Variants in MBOAT1 observed in about 807,000 individuals in gnomAD.
MBOAT1 encodes membrane-bound glycerophospholipid O-acyltransferase 1.
In MBOAT1, 67 loss-of-function variants were observed where a neutral mutation model predicts 64.4. The observed-to-expected ratio is 1.04, with a 90% confidence interval of 0.85 to 1.27. MBOAT1 has a LOEUF of 1.27. Among genes scored for constraint, MBOAT1 ranks in the 50% most tolerant of loss-of-function variants. The probability of loss-of-function intolerance (pLI) is 0.00; values close to 1 mark genes in which losing one functional copy is unlikely to be tolerated. For synonymous variants in MBOAT1, 229 were observed against 218.9 expected (o/e 1.05, Z -0.41); for missense variants, 563 against 604.6 (o/e 0.93, Z 0.72).
intron 3 of MBOAT1, among the ~76,000 whole-genome samples, chr6:20,150,583 A>G (rs1283014456): frequency 7.3e-6 from 1 of 137,612 alleles, no homozygotes; most frequent in Non-Finnish European, 1.5e-5. Context: ...TTTTTTTGAC[A>G]GAGGAGTTTC....
At chr6:20,179,983 C>T (rs114225536) in intron 1 of MBOAT1, among the ~76,000 whole-genome samples, 4,718 of 152,172 alleles carry the variant, frequency 0.031, 81 homozygotes, top group Middle Eastern at 0.085. Flanking sequence ...ACCAAACATC[C>T]ACTCCTCCTC....
intron 1 of MBOAT1, among the ~76,000 whole-genome samples, chr6:20,202,367 T>C (rs1159832519): frequency 1.2e-5 from 1 of 83,870 alleles, no homozygotes; most frequent in African/African-American, 3.1e-5. Flanking sequence ...GTTTTGTAAA[T>C]AAACCTGAGA....
chr6:20,212,378 A>T lies in MBOAT1; in HGVS notation c.-144T>A. The T allele has an allele frequency of 1.4e-6, 1 of 701,412 alleles. No individual in the cohort carries two copies. Among genetic ancestry groups the T allele is most frequent in the South Asian group, 1.8e-5 (1 of 54,350 alleles). 43.4% of individuals were successfully genotyped at this position (701,412 alleles called of 1,614,324 possible). A position where few individuals can be genotyped will look rare whatever the true frequency, so the allele number is the denominator to read the frequency against. On this transcript the variant is annotated 5_prime_UTR_variant, in exon 1 of 13. Transcript: ENST00000324607. ...GGGGGAGCGAACGGGAGGCCGGGGAATGCGAACCGGCGCAAACTCTCGAGG... is the reference window on the plus strand; with the variant it reads ...GGGGGAGCGAACGGGAGGCCGGGGATTGCGAACCGGCGCAAACTCTCGAGG...
At chr6:20,115,507 C>T (rs1240537121) in intron 9 of MBOAT1, among the ~76,000 whole-genome samples, 155 bp from the exon 10 acceptor site, 1 of 152,176 alleles carries the variant, frequency 6.6e-6, no homozygotes, top group Non-Finnish European at 1.5e-5. Context: ...CTACACAGGA[C>T]AATTTTCTGC....
intron 1 of MBOAT1, among the ~76,000 whole-genome samples, chr6:20,159,627 G>A (rs1761790678): frequency 6.6e-6 from 1 of 152,102 alleles, no homozygotes; most frequent in Non-Finnish European, 1.5e-5. Context: ...GGGGGTGGAA[G>A]GAAGTAGAGG....
chr6:20,175,527 A>T (rs561546829), intron 1 of MBOAT1, among the ~76,000 whole-genome samples: 1 of 152,014 alleles, frequency 6.6e-6, no homozygotes, highest in South Asian at 2.1e-4. Context: ...GCTCACTGCA[A>T]CCTCTGCCTC....
Position 20,202,337 on chromosome 6 carries a change from A to G in MBOAT1, c.99+9799T>C, listed in dbSNP as rs557214331. ...CTTCTCCAAATTACATTAGAACCTG[A>G]GTTCCCTGGTTTTCGTTTTGTTTTG... is the stretch of plus-strand genomic sequence containing the variant. On this transcript the variant is annotated intron_variant, in intron 1 of 12. Coordinates refer to ENST00000324607, the MANE Select transcript of MBOAT1 (RefSeq NM_001080480.3). Among the ~76,000 whole-genome samples, 556 of 129,440 alleles carry G rather than the reference A, an allele frequency of 4.3e-3. 3 individuals are homozygous for G. Among genetic ancestry groups the G allele is most frequent in the Middle Eastern group, 7.6e-3 (2 of 262 alleles). The allele number at this position is 129,440 out of a possible 152,430, so 84.9% of individuals were successfully genotyped here. A position where few individuals can be genotyped will look rare whatever the true frequency, so the allele number is the denominator to read the frequency against.
At chr6:20,209,448 T>C (rs959401437) in intron 1 of MBOAT1, among the ~76,000 whole-genome samples, 1 of 152,130 alleles carries the variant, frequency 6.6e-6, no homozygotes, top group Non-Finnish European at 1.5e-5. Flanking sequence ...AAGAATCAGA[T>C]GAAAAAGAAT....
At chr6:20,181,544 G>T (rs1198159175) in intron 1 of MBOAT1, among the ~76,000 whole-genome samples, 1 of 152,184 alleles carries the variant, frequency 6.6e-6, no homozygotes, top group Non-Finnish European at 1.5e-5. Context: ...AATTCCCAGA[G>T]AGCCTCTCTC....
At chr6:20,161,948 T>A (rs897256402) in intron 1 of MBOAT1, among the ~76,000 whole-genome samples, 2 of 152,106 alleles carry the variant, frequency 1.3e-5, no homozygotes, top group Non-Finnish European at 2.9e-5. Flanking sequence ...TATCTGAGAT[T>A]GAGGGTGTCG....
At chr6:20,180,663 T>C (rs1762482183) in intron 1 of MBOAT1, among the ~76,000 whole-genome samples, 1 of 152,242 alleles carries the variant, frequency 6.6e-6, no homozygotes, top group Non-Finnish European at 1.5e-5. Flanking sequence ...TGAGCTGCCC[T>C]TAACCTCATG....
At position 20,131,131 on chromosome 6, in the gene MBOAT1, C is replaced by G; in HGVS notation, c.475+13G>C. 1 of 1,612,118 alleles carries G rather than the reference C, an allele frequency of 6.2e-7. No individual in the cohort carries two copies. Among genetic ancestry groups the G allele is most frequent in the Non-Finnish European group, 8.5e-7 (1 of 1,178,248 alleles). On this transcript the variant is annotated intron_variant, in intron 5 of 12. Transcript: ENST00000324607. ...CTCACTCTGAGAACCAAAAGGAGGGCTGCTGTTCTTACCATCATGAACCTG... is the reference window on the plus strand; with the variant it reads ...CTCACTCTGAGAACCAAAAGGAGGGGTGCTGTTCTTACCATCATGAACCTG...
chr6:20,131,008 G>T, intron 5 of MBOAT1, 136 bp downstream of exon 5: 1 of 705,300 alleles, frequency 1.4e-6, no homozygotes. Context: ...GATTGCCGAG[G>T]CCTGGAAATT....
At chr6:20,123,387 G>T (rs1426513468) in intron 8 of MBOAT1, among the ~76,000 whole-genome samples, 1 of 152,104 alleles carries the variant, frequency 6.6e-6, no homozygotes, top group Admixed American at 6.6e-5. Context: ...TCCCTGAAAG[G>T]GTTCCAGTGT....
At chr6:20,128,185 C>T (rs1335196641) in intron 6 of MBOAT1, among the ~76,000 whole-genome samples, 2 of 152,092 alleles carry the variant, frequency 1.3e-5, no homozygotes, top group Non-Finnish European at 2.9e-5. Flanking sequence ...CCAACACTCC[C>T]CCTTCCTACT....
intron 8 of MBOAT1, among the ~76,000 whole-genome samples, chr6:20,120,000 T>TGTGC (rs1465118453): frequency 4.3e-5 from 3 of 70,422 alleles, no homozygotes; most frequent in Non-Finnish European, 5.7e-5. Flanking sequence ...TGTGTGTGTG[T>TGTGC]GTGTGCGTGT....
chr6:20,177,447 G>A (rs1195800803), intron 1 of MBOAT1, among the ~76,000 whole-genome samples: 1 of 152,150 alleles, frequency 6.6e-6, no homozygotes, highest in East Asian at 1.9e-4. Flanking sequence ...TCCTGCCTCA[G>A]TCTCCCAAAA....
At chr6:20,144,622 G>C (rs893551601) in intron 3 of MBOAT1, among the ~76,000 whole-genome samples, 3 of 152,222 alleles carry the variant, frequency 2.0e-5, no homozygotes, top group Non-Finnish European at 4.4e-5. Context: ...TAGGTGTAAT[G>C]GCAGTGCGCA....
At chr6:20,144,337 A>G (rs765402767) in intron 3 of MBOAT1, 22 bp from the exon 4 acceptor site, 12 of 1,459,138 alleles carry the variant, frequency 8.2e-6, no homozygotes, top group Non-Finnish European at 1.2e-5. Flanking sequence ...AACATAGATG[A>G]TCAGATTATT....
Sources: allele counts gnomAD v4.1 joint callset (sites outside exome capture counted in the v4.1 genomes callset), GRCh38; gene constraint gnomAD v4.1.1; transcripts MANE v1.5; gene names NCBI Gene and HGNC (gene_info 2026-07-23, HGNC 2026-07-21).